The following FARP1 variants were observed in gnomAD, a reference collection of about 807,000 sequenced individuals.
The protein encoded by FARP1 is FERM, ARHGEF and pleckstrin domain-containing protein 1.
In FARP1, 52 loss-of-function variants were observed where a neutral mutation model predicts 128.8. The ratio of observed to expected loss-of-function variants is 0.40; its 90% CI spans 0.32 to 0.51. The LOEUF (loss-of-function observed/expected upper bound fraction) is 0.51, where lower values mean the gene tolerates loss of function less well. Among genes scored for constraint, FARP1 ranks in the 20% least tolerant of loss-of-function variants. The pLI, the probability that FARP1 is intolerant of heterozygous loss-of-function variation, is 0.45. For missense variants in FARP1, 1,333 were observed against 1,367.9 expected (o/e 0.97, Z 0.40); for synonymous variants, 580 against 551.8 (o/e 1.05, Z -0.72).
Position 98,448,341 on chromosome 13 carries a change from A to C in FARP1, c.*24A>C. 1 of 1,544,760 alleles carries C rather than the reference A, an allele frequency of 6.5e-7. No individual in the cohort carries two copies. Among genetic ancestry groups the C allele is most frequent in the Non-Finnish European group, 9.0e-7 (1 of 1,116,626 alleles). ...GATGGCCGGACACACTCGTTTCCGC[A>C]GTGGCTGCTTTCCTGGAAGACGTTT... On this transcript the variant is annotated 3_prime_UTR_variant, in exon 27 of 27. Transcript: ENST00000319562.
intron 2 of FARP1, among the ~76,000 whole-genome samples, chr13:98,321,651 G>A (rs181509266): frequency 2.0e-5 from 3 of 152,288 alleles, no homozygotes; most frequent in South Asian, 2.1e-4. Flanking sequence ...TTACCTGTGC[G>A]TGCTAAACGG....
intron 1 of FARP1, among the ~76,000 whole-genome samples, chr13:98,207,977 C>A (rs1880393833): frequency 7.1e-6 from 1 of 140,404 alleles, no homozygotes. Flanking sequence ...CACTTTGATT[C>A]ATTGGCCCAG....
At chr13:98,344,789 A>G (rs13378747) in intron 3 of FARP1, among the ~76,000 whole-genome samples, 16,328 of 152,028 alleles carry the variant, frequency 0.11, 1,138 homozygotes, top group African/African-American at 0.19. Flanking sequence ...AAAAATGAGA[A>G]CAAGTTGTGT....
intron 2 of FARP1, among the ~76,000 whole-genome samples, chr13:98,283,115 A>G (rs1566830831): frequency 6.6e-6 from 1 of 152,232 alleles, no homozygotes; most frequent in Non-Finnish European, 1.5e-5. Context: ...GAATTTGTCT[A>G]CACCTTAAAG....
At chr13:98,448,139 G>A in intron 26 of FARP1, 97 bp from the exon 27 acceptor site, 2 of 1,020,628 alleles carry the variant, frequency 2.0e-6, no homozygotes, top group Non-Finnish European at 3.1e-6. Flanking sequence ...CAACCAGGCG[G>A]CCTGACTTCA....
chr13:98,292,374 A>T (rs988595336), intron 2 of FARP1, among the ~76,000 whole-genome samples: 1 of 152,238 alleles, frequency 6.6e-6, no homozygotes, highest in African/African-American at 2.4e-5. Flanking sequence ...GATGCCAAGT[A>T]CTTGGTAAAA....
chr13:98,350,520 T>C (rs1888372422), intron 3 of FARP1, among the ~76,000 whole-genome samples: 1 of 152,132 alleles, frequency 6.6e-6, no homozygotes, highest in Admixed American at 6.5e-5. Flanking sequence ...AAACTTGACA[T>C]TAGGCTTCAC....
intron 2 of FARP1, among the ~76,000 whole-genome samples, chr13:98,320,439 A>G (rs1594398410): frequency 2.0e-5 from 3 of 152,314 alleles, no homozygotes; most frequent in South Asian, 4.2e-4. Flanking sequence ...TGTAGTTTCA[A>G]AATCATCTTT....
At chr13:98,151,559 C>G (rs533382077) in intron 1 of FARP1, among the ~76,000 whole-genome samples, 180 of 151,080 alleles carry the variant, frequency 1.2e-3, no homozygotes, top group African/African-American at 4.1e-3. Flanking sequence ...AATATACACT[C>G]TCTATGACAT....
In FARP1 at chr13:98,392,554, A is replaced by G. The variant is rs1181022047; in HGVS notation, c.1089-1089A>G. ...TGCTCTGAGTGTGTTCTTTTCATTC[A>G]TATAAGTACTCCCATATATAATTCT... On this transcript the variant is annotated intron_variant, in intron 11 of 26. Coordinates refer to ENST00000319562, the MANE Select transcript of FARP1 (RefSeq NM_005766.4). 2.0e-5 allele frequency among the ~76,000 whole-genome samples: 3 copies of G among 151,744 alleles called. No individual in the cohort carries two copies. In the East Asian group the frequency reaches 5.8e-4, roughly 29 times the overall value.
In FARP1 at chr13:98,453,025, G is replaced by T; in HGVS notation, c.*4708G>T. The T allele has an allele frequency of 1.3e-6, 1 of 765,122 alleles. No individual in the cohort carries two copies. Among genetic ancestry groups the T allele is most frequent in the Non-Finnish European group, 2.1e-6 (1 of 470,840 alleles). 47.4% of individuals were successfully genotyped at this position (765,122 alleles called of 1,614,324 possible). ...GGCTGCAGCACAGTGAAGACTGTGT[G>T]TGTCCCTGGACGGGCGCCTGGCGCT... is the stretch of plus-strand genomic sequence containing the variant. On this transcript the variant is annotated 3_prime_UTR_variant, in exon 27 of 27. Coordinates refer to ENST00000319562, the MANE Select transcript of FARP1 (RefSeq NM_005766.4).
At chr13:98,181,717 C>T (rs2139204051) in intron 1 of FARP1, among the ~76,000 whole-genome samples, 1 of 151,582 alleles carries the variant, frequency 6.6e-6, no homozygotes, top group South Asian at 2.1e-4. Context: ...TAACCTCAAA[C>T]TCCTAGGCTC....
chr13:98,440,628 G>C (rs1892484163), intron 23 of FARP1, 42 bp from the exon 24 acceptor site: 2 of 1,577,798 alleles, frequency 1.3e-6, no homozygotes, highest in African/African-American at 2.7e-5. Flanking sequence ...AGGGGCGCTG[G>C]GAGGAAAGAT....
chr13:98,391,052 GAGCCCAGGGGC>G (rs1422131587), intron 11 of FARP1, among the ~76,000 whole-genome samples, 172 bp downstream of exon 11: 1 of 152,100 alleles, frequency 6.6e-6, no homozygotes, highest in African/African-American at 2.4e-5. Context: ...GAAGGTTTTA[GAGCCCAGGGGC>G]ACACCCTCGA....
chr13:98,344,761 C>T (rs930156217), intron 3 of FARP1, among the ~76,000 whole-genome samples: 2 of 152,128 alleles, frequency 1.3e-5, no homozygotes, highest in African/African-American at 2.4e-5. Flanking sequence ...GGTGAATGAA[C>T]GGATCTGTCA....
At chr13:98,331,306 T>C (rs1887500495) in intron 2 of FARP1, among the ~76,000 whole-genome samples, 1 of 152,228 alleles carries the variant, frequency 6.6e-6, no homozygotes, top group Non-Finnish European at 1.5e-5. Context: ...TATTTTGTCC[T>C]ACTCTAGCAA....
At chr13:98,183,839 C>T (rs566792904) in intron 1 of FARP1, among the ~76,000 whole-genome samples, 2 of 152,238 alleles carry the variant, frequency 1.3e-5, no homozygotes, top group African/African-American at 4.8e-5. Context: ...GATCCTCCTT[C>T]GGTTTTTGGC....
chr13:98,152,615 T>A (rs1238939819), intron 1 of FARP1, among the ~76,000 whole-genome samples: 1 of 152,218 alleles, frequency 6.6e-6, no homozygotes, highest in African/African-American at 2.4e-5. Context: ...CCAGATAATA[T>A]GTGAATTCAC....
Position 98,291,922 on chromosome 13 carries a change from G to A in FARP1, c.172-51840G>A, listed in dbSNP as rs539626297. On this transcript the variant is annotated intron_variant, in intron 2 of 26. Coordinates refer to ENST00000319562, the MANE Select transcript of FARP1 (RefSeq NM_005766.4). ...TTGTCTTGTGAAGCATTGAGACAAA[G>A]CCTTATTTGAGGAGAGTCCTTGGTG... 2.6e-4 allele frequency among the ~76,000 whole-genome samples: 39 copies of A among 152,344 alleles called. No individual in the cohort carries two copies. In the Middle Eastern group the frequency reaches 0.01, roughly 40 times the overall value.
Sources: allele counts gnomAD v4.1 joint callset (sites outside exome capture counted in the v4.1 genomes callset), GRCh38; gene constraint gnomAD v4.1.1; transcripts MANE v1.5; gene names NCBI Gene and HGNC (gene_info 2026-07-23, HGNC 2026-07-21).